Variants in IL1RAPL1 observed in about 807,000 individuals in gnomAD.
IL1RAPL1 encodes the protein interleukin 1 receptor accessory protein like 1.
In IL1RAPL1, 3 loss-of-function variants were observed where a neutral mutation model predicts 48.4. That is an observed-to-expected ratio of 0.06 (90% confidence interval 0.03 to 0.16). The LOEUF (loss-of-function observed/expected upper bound fraction) is 0.16, where lower values mean the gene tolerates loss of function less well. IL1RAPL1 is among the 10% of genes least tolerant of loss of function. The probability of loss-of-function intolerance (pLI) is 1.00; values close to 1 mark genes in which losing one functional copy is unlikely to be tolerated. For synonymous variants in IL1RAPL1, 185 were observed against 187.7 expected, an observed-to-expected ratio of 0.99 and a Z score of 0.12; for missense variants, 349 against 530.6, an observed-to-expected ratio of 0.66 and a Z score of 3.36.
intron 6 of IL1RAPL1, among the ~76,000 whole-genome samples, chrX:29,669,480 T>A (rs1447271852): frequency 9.0e-6 from 1 of 111,409 alleles, no homozygotes; most frequent in Non-Finnish European, 1.9e-5. Flanking sequence ...AGAATTTGCA[T>A]CAAAATTGTA....
At position 29,929,117 on chromosome X, in the gene IL1RAPL1, A is replaced by G. The variant is rs775752339; in HGVS notation, c.1057+9023A>G. Among the ~76,000 whole-genome samples the G allele has an allele frequency of 1.2e-4, 14 of 112,227 alleles. No homozygotes were observed. The East Asian group carries it at 3.6e-3, about 29-fold the overall frequency. On this transcript the variant is annotated intron_variant, in intron 8 of 10. Coordinates refer to ENST00000378993, the MANE Select transcript of IL1RAPL1 (RefSeq NM_014271.4). ...TTAAAATGCTATAAAAATAGAATTT[A>G]TTTTTAATTCAAAAAGAAAATCCAG...
intron 2 of IL1RAPL1, among the ~76,000 whole-genome samples, chrX:29,237,490 A>G (rs1357678988): frequency 1.8e-5 from 2 of 112,602 alleles, no homozygotes; most frequent in Non-Finnish European, 3.7e-5. Flanking sequence ...TGCTTTGCAC[A>G]TGGCAGATCC....
intron 3 of IL1RAPL1, among the ~76,000 whole-genome samples, chrX:29,339,261 A>G (rs191548159): frequency 2.7e-5 from 3 of 112,232 alleles, no homozygotes; most frequent in Non-Finnish European, 3.8e-5. Context: ...ATTTGCTGTC[A>G]TCAGCCAAGT....
intron 2 of IL1RAPL1, among the ~76,000 whole-genome samples, chrX:29,178,309 C>T (rs919033569): frequency 8.9e-6 from 1 of 111,979 alleles, no homozygotes; most frequent in Non-Finnish European, 1.9e-5. Flanking sequence ...AATGGTATCT[C>T]ATTGTGGTTT....
intron 2 of IL1RAPL1, among the ~76,000 whole-genome samples, chrX:28,833,450 A>T (rs1287677746): frequency 3.6e-5 from 4 of 111,640 alleles, no homozygotes; most frequent in Non-Finnish European, 7.5e-5. Context: ...AACAGTGTGT[A>T]AGTGTTCATT....
At chrX:28,906,995 A>G (rs1322621180) in intron 2 of IL1RAPL1, among the ~76,000 whole-genome samples, 1 of 111,872 alleles carries the variant, frequency 8.9e-6, no homozygotes, top group Non-Finnish European at 1.9e-5. Context: ...GTTGTGAAAA[A>G]TAGCCTTGAT....
intron 5 of IL1RAPL1, among the ~76,000 whole-genome samples, chrX:29,543,406 C>G (rs1159333225): frequency 9.1e-6 from 1 of 110,083 alleles, no homozygotes; most frequent in Non-Finnish European, 1.9e-5. Context: ...AGTAGCCCTC[C>G]TTCCTTGGAT....
intron 6 of IL1RAPL1, among the ~76,000 whole-genome samples, chrX:29,867,810 A>G (rs1360967675): frequency 8.9e-6 from 1 of 111,866 alleles, no homozygotes; most frequent in South Asian, 3.7e-4. Context: ...TCGATAGTGC[A>G]TGGTGCTGTA....
intron 6 of IL1RAPL1, among the ~76,000 whole-genome samples, chrX:29,814,005 G>T (rs1930435825): frequency 8.9e-6 from 1 of 111,884 alleles, no homozygotes; most frequent in African/African-American, 3.3e-5. Context: ...TGGGAAGCTA[G>T]GTTGATTCCA....
Position 29,349,481 on chromosome X carries a change from G to T in IL1RAPL1, c.363-46777G>T, listed in dbSNP as rs142013719. On this transcript the variant is annotated intron_variant, in intron 3 of 10. Transcript: ENST00000378993. ...AGTTTCTATGGCCAGCCTCCGTGGA[G>T]AATGGGATAGAGAGACAGGAGGGTG... 8.3e-3 allele frequency among the ~76,000 whole-genome samples: 925 copies of T among 111,642 alleles called. 17 individuals are homozygous for T. Among genetic ancestry groups the T allele is most frequent in the East Asian group, 0.079 (278 of 3,514 alleles).
intron 6 of IL1RAPL1, among the ~76,000 whole-genome samples, chrX:29,891,637 A>G (rs2147221394): frequency 8.9e-6 from 1 of 111,903 alleles, no homozygotes; most frequent in East Asian, 2.8e-4. Context: ...ACTCTTGGAA[A>G]AGAATAAGAG....
intron 6 of IL1RAPL1, among the ~76,000 whole-genome samples, chrX:29,835,194 C>T (rs1930966561): frequency 9.0e-6 from 1 of 111,129 alleles, no homozygotes; most frequent in Non-Finnish European, 1.9e-5. Context: ...CTAAATATTA[C>T]TGAAGGTGAA....
intron 5 of IL1RAPL1, among the ~76,000 whole-genome samples, chrX:29,404,401 C>G (rs1426054311): frequency 9.0e-6 from 1 of 111,577 alleles, no homozygotes; most frequent in Non-Finnish European, 1.9e-5. Context: ...TTTAATTGAG[C>G]ATTTTATCTC....
At position 29,613,712 on chromosome X, in the gene IL1RAPL1, CGTGTGTGTGT is replaced by C. The variant is rs753582133; in HGVS notation, c.704-54681_704-54672del. Among the ~76,000 whole-genome samples, 488 of 58,798 alleles carry C rather than the reference CGTGTGTGTGT, an allele frequency of 8.3e-3. 3 individuals are homozygous for C. The highest frequency in any genetic ancestry group is 0.026 in the African/African-American group (402 of 15,189). 51.1% of individuals were successfully genotyped at this position (58,798 alleles called of 115,157 possible). On this transcript the variant is annotated intron_variant, in intron 5 of 10. Transcript: ENST00000378993. ...CAAATGGGAGAAGCTGGGTTTTTTT[CGTGTGTGTGT>C]GTGTGTGTGTGTGTGTGTGTGTGTG...
At chrX:28,971,711 C>T (rs1161224393) in intron 2 of IL1RAPL1, among the ~76,000 whole-genome samples, 1 of 110,776 alleles carries the variant, frequency 9.0e-6, no homozygotes, top group Admixed American at 9.7e-5. Flanking sequence ...ATGAGACATA[C>T]GTGAGAGAGT....
intron 6 of IL1RAPL1, among the ~76,000 whole-genome samples, chrX:29,850,536 C>T (rs967945576): frequency 8.9e-6 from 1 of 112,407 alleles, no homozygotes; most frequent in African/African-American, 3.2e-5. Flanking sequence ...TCATGGTTCA[C>T]GGCTGCCACA....
intron 5 of IL1RAPL1, among the ~76,000 whole-genome samples, chrX:29,475,834 GTTTTTT>G (rs572921846): frequency 9.7e-6 from 1 of 103,186 alleles, no homozygotes; most frequent in Non-Finnish European, 2.0e-5. Flanking sequence ...ACGTTATGAA[GTTTTTT>G]TTTTTTATGT....
chrX:28,636,808 C>G (rs1054314101), intron 1 of IL1RAPL1, among the ~76,000 whole-genome samples: 5 of 111,940 alleles, frequency 4.5e-5, no homozygotes, highest in African/African-American at 1.6e-4. Context: ...ATAACATTGT[C>G]TCACTGATCA....
chrX:29,952,656 G>A (rs1933342504), intron 9 of IL1RAPL1, among the ~76,000 whole-genome samples: 1 of 107,459 alleles, frequency 9.3e-6, no homozygotes, highest in Non-Finnish European at 1.9e-5. Context: ...ACTGGCCTAT[G>A]GGCATATAGC....
Sources: gnomAD v4.1 joint callset for allele counts (sites outside exome capture counted in the v4.1 genomes callset) on GRCh38, gnomAD v4.1.1 for gene constraint, MANE v1.5 for transcripts, NCBI Gene and HGNC (gene_info 2026-07-23, HGNC 2026-07-21) for gene names.